The following PTPN3 variants were observed in gnomAD, a reference collection of about 807,000 sequenced individuals.
The protein encoded by PTPN3 is tyrosine-protein phosphatase non-receptor type 3.
Under a neutral mutation model 132.7 loss-of-function variants are expected in PTPN3, and 96 were observed. That is an observed-to-expected ratio of 0.72 (90% CI 0.61 to 0.86). The LOEUF is 0.86. Ranked by LOEUF, PTPN3 falls within the 40% of genes least tolerant of loss-of-function variation. The pLI, the probability that PTPN3 is intolerant of heterozygous loss-of-function variation, is 0.00. For synonymous variants in PTPN3, 398 were observed against 429.0 expected (o/e 0.93, Z 0.89); for missense variants, 1,125 against 1,159.6 (o/e 0.97, Z 0.43).
the PTPN3 span, among the ~76,000 whole-genome samples, chr9:109,528,706 A>T: frequency 9.5e-6 from 1 of 105,344 alleles, no homozygotes; most frequent in Non-Finnish European, 1.9e-5. Context: ...ACTTTTCTAT[A>T]TATATGTATA....
At chr9:109,383,941 TCCA>T (rs1839347686) in intron 22 of PTPN3, among the ~76,000 whole-genome samples, 1 of 137,906 alleles carries the variant, frequency 7.3e-6, no homozygotes, top group Admixed American at 7.2e-5. Flanking sequence ...GCACCCCTCC[TCCA>T]CCATTCTCCC....
At position 109,389,254 on chromosome 9, in the gene PTPN3, C is replaced by T. The variant is rs148827369; in HGVS notation, c.2232G>A (p.Thr744=). ...TTACCCGCCCTCGTTCTGTGAGAGT[C>T]GTCAACATGACAATGAGTGACAACT... ...DQKLSLIVML[T]TLTERGRTKC... is the part of the protein sequence containing the mutation. The change falls in exon 22 of 26, where the codon ACG becomes ACA. Residue 744 remains threonine, a synonymous_variant. Coordinates refer to ENST00000374541, the MANE Select transcript of PTPN3 (RefSeq NM_002829.4). 1.4e-5 allele frequency: 22 copies of T among 1,614,032 alleles called. No individual in the cohort carries two copies. Among genetic ancestry groups the T allele is most frequent in the Admixed American group, 5.0e-5 (3 of 60,006 alleles).
intron 1 of PTPN3, among the ~76,000 whole-genome samples, chr9:109,467,018 TA>T (rs201422480): frequency 7.4e-5 from 11 of 147,940 alleles, no homozygotes; most frequent in Admixed American, 3.4e-4. Flanking sequence ...GAAATACTAA[TA>T]AAAAAAAAAC....
the PTPN3 span, among the ~76,000 whole-genome samples, chr9:109,517,498 A>G: frequency 6.6e-6 from 1 of 152,220 alleles, no homozygotes; most frequent in African/African-American, 2.4e-5. Flanking sequence ...TGTTCAAGGT[A>G]GTGGTTATCA....
Position 109,457,191 on chromosome 9 carries a change from T to C in PTPN3, c.271A>G (p.Ile91Val), listed in dbSNP as rs755397460. ...CACCAACCTTTTAACTGCTTCCTGA[T>C]GGCTTTGCTTGCTTCCAGCCATCTC... is the stretch of plus-strand genomic sequence containing the variant. ...SPRWLEASKAIRKQLKGGFPC... is the reference protein window; with the variant it reads ...SPRWLEASKAVRKQLKGGFPC... Residue 91 changes from isoleucine (I) to valine (V), a missense_variant, in exon 4 of 26, where the codon ATC (isoleucine) becomes GTC (valine). Physicochemically the swap from Ile to Val is conservative, Grantham distance 29. Transcript: ENST00000374541. 6.2e-7 allele frequency: 1 copy of C among 1,614,098 alleles called. No homozygotes were observed. The highest frequency in any genetic ancestry group is 1.1e-5 in the South Asian group (1 of 91,064).
rs1176687557 is a variant in PTPN3 at position 109,377,683 on chromosome 9, C to T, written c.*1873G>A. 1 of 152,148 alleles carries T rather than the reference C, an allele frequency of 6.6e-6. No homozygotes were observed. The highest frequency in any genetic ancestry group is 2.4e-5 in the African/African-American group (1 of 41,414). 9.4% of individuals were successfully genotyped at this position (152,148 alleles called of 1,614,324 possible). On this transcript the variant is annotated 3_prime_UTR_variant, in exon 26 of 26. Transcript: ENST00000374541. ...GCTAATCACTGATAACTAAACTTTT[C>T]TAAGTAACTCACCCACAGCAGTGTC...
At chr9:109,409,521 A>G (rs934306183) in intron 16 of PTPN3, among the ~76,000 whole-genome samples, 1 of 152,198 alleles carries the variant, frequency 6.6e-6, no homozygotes, top group Non-Finnish European at 1.5e-5. Flanking sequence ...TTAAGGCCAC[A>G]TTAAAAAAAA....
chr9:109,419,535 T>C (rs1842749483), intron 14 of PTPN3, among the ~76,000 whole-genome samples: 1 of 152,182 alleles, frequency 6.6e-6, no homozygotes, highest in Non-Finnish European at 1.5e-5. Flanking sequence ...ACCTAATTTA[T>C]AATCTATGTC....
At position 109,421,498 on chromosome 9, in the gene PTPN3, G is replaced by A. The variant is rs556323869; in HGVS notation, c.1137-898C>T. On this transcript the variant is annotated intron_variant, in intron 13 of 25. Coordinates refer to ENST00000374541, the MANE Select transcript of PTPN3 (RefSeq NM_002829.4). ...TAAAAAGGCTCTTGTGACTCCTCAG[G>A]AGAGGACCTATAAATAGCCACAGGA... Among the ~76,000 whole-genome samples the A allele has an allele frequency of 2.2e-3, 331 of 152,288 alleles. 1 individual carries two copies. The highest frequency in any genetic ancestry group is 3.4e-3 in the Non-Finnish European group (234 of 68,034).
At chr9:109,395,684 G>A (rs1409417536) in intron 19 of PTPN3, among the ~76,000 whole-genome samples, 1 of 152,076 alleles carries the variant, frequency 6.6e-6, no homozygotes, top group Non-Finnish European at 1.5e-5. Flanking sequence ...CTACTTGGGA[G>A]GCTGAGGTGG....
chr9:109,494,049 C>T (rs1191636277), intron 1 of PTPN3, among the ~76,000 whole-genome samples: 1 of 152,124 alleles, frequency 6.6e-6, no homozygotes, highest in East Asian at 2.0e-4. Flanking sequence ...AACACAGTGG[C>T]ATTGCTCCCA....
chr9:109,487,001 C>T (rs1329462590), intron 1 of PTPN3, among the ~76,000 whole-genome samples: 2 of 152,188 alleles, frequency 1.3e-5, no homozygotes, highest in Admixed American at 6.5e-5. Context: ...GTCAATTAAA[C>T]TCCTTTTCTT....
chr9:109,506,376 G>A, the PTPN3 span, among the ~76,000 whole-genome samples: 1 of 152,210 alleles, frequency 6.6e-6, no homozygotes, highest in East Asian at 1.9e-4. Context: ...AAGAGGAACT[G>A]TATGAGTGGG....
rs1554783378 is a variant in PTPN3 at position 109,408,796 on chromosome 9, A to ATATATAT, written c.1579-420_1579-419insATATATA. ...TTATAATAATTAAAAAAAAAAAAAA[A>ATATATAT]ATATATATATATATATATATATGGG... On this transcript the variant is annotated intron_variant, in intron 16 of 25. Coordinates refer to ENST00000374541, the MANE Select transcript of PTPN3 (RefSeq NM_002829.4). 3.6e-3 allele frequency among the ~76,000 whole-genome samples: 393 copies of ATATATAT among 108,240 alleles called. 2 individuals carry two copies. Among genetic ancestry groups the ATATATAT allele is most frequent in the Middle Eastern group, 0.011 (2 of 190 alleles). The allele number at this position is 108,240 out of a possible 152,430, so 71.0% of individuals were successfully genotyped here. A position where few individuals can be genotyped will look rare whatever the true frequency, so the allele number is the denominator to read the frequency against.
intron 1 of PTPN3, among the ~76,000 whole-genome samples, chr9:109,464,311 C>T (rs1033968302): frequency 1.1e-4 from 16 of 152,200 alleles, no homozygotes; most frequent in African/African-American, 3.9e-4. Flanking sequence ...TATATTCACT[C>T]ACTAAAAGAC....
intron 2 of PTPN3, among the ~76,000 whole-genome samples, chr9:109,458,743 G>C (rs908216941): frequency 1.3e-5 from 2 of 152,140 alleles, no homozygotes; most frequent in Non-Finnish European, 2.9e-5. Flanking sequence ...AATCACAATA[G>C]GTGGGGAAAG....
At chr9:109,427,322 G>A (rs1261623895) in intron 11 of PTPN3, among the ~76,000 whole-genome samples, 200 bp from the exon 12 acceptor site, 1 of 152,220 alleles carries the variant, frequency 6.6e-6, no homozygotes, top group Non-Finnish European at 1.5e-5. Context: ...TGGTAATAGA[G>A]ATGACCAGAA....
Position 109,410,347 on chromosome 9 carries a change from G to T in PTPN3, c.1382C>A (p.Ser461Tyr). 2 of 1,614,230 alleles carry T rather than the reference G, an allele frequency of 1.2e-6. No homozygotes were observed. Among genetic ancestry groups the T allele is most frequent in the Non-Finnish European group, 1.7e-6 (2 of 1,180,042 alleles). The change falls in exon 15 of 26, where the codon TCT becomes TAT. Residue 461 changes from serine (S) to tyrosine (Y), a missense_variant. Physicochemically the swap from Ser to Tyr is moderately radical, Grantham distance 144. Transcript: ENST00000374541. ...TGAGCAGGAGCCTGGAGCATTTGAA[G>T]ATGGAGACACAGAACTGGATGACTT... The part of the protein sequence containing the change: ...TQKSSSSVSP[S>Y]SNAPGSCSPD...
the PTPN3 span, among the ~76,000 whole-genome samples, chr9:109,529,204 G>A: frequency 9.8e-5 from 15 of 152,346 alleles, no homozygotes; most frequent in South Asian, 3.1e-3. Flanking sequence ...GAAGGAGGGA[G>A]AAGGGCTGCA....
Sources: gnomAD v4.1 joint callset for allele counts (sites outside exome capture counted in the v4.1 genomes callset) on GRCh38, gnomAD v4.1.1 for gene constraint, MANE v1.5 for transcripts, NCBI Gene and HGNC (gene_info 2026-07-23, HGNC 2026-07-21) for gene names.